The following EIF4G3 variants were observed in gnomAD, a reference collection of about 807,000 sequenced individuals.
EIF4G3 encodes eIF-4-gamma 3.
In EIF4G3, 34 loss-of-function variants were observed where a neutral mutation model predicts 186.4. The observed-to-expected ratio is 0.18, with a 90% CI of 0.14 to 0.24. EIF4G3 has a LOEUF of 0.24. EIF4G3 is among the 10% of genes least tolerant of loss of function. The pLI is 1.00. For synonymous variants in EIF4G3, 673 were observed against 679.5 expected, an observed-to-expected ratio of 0.99 and a Z score of 0.15; for missense variants, 1,536 against 1,948.5, an observed-to-expected ratio of 0.79 and a Z score of 3.99.
intron 36 of EIF4G3, among the ~76,000 whole-genome samples, chr1:20,808,698 G>C (rs2058633865): frequency 6.6e-6 from 1 of 151,944 alleles, no homozygotes; most frequent in Non-Finnish European, 1.5e-5. Context: ...AACAAGAGGT[G>C]ATCATTCACA....
intron 29 of EIF4G3, among the ~76,000 whole-genome samples, chr1:20,845,740 C>T (rs939217081): frequency 6.6e-6 from 1 of 151,882 alleles, no homozygotes; most frequent in Non-Finnish European, 1.5e-5. Context: ...AGTGTGATGC[C>T]TCCAGTTTTG....
chr1:21,008,602 G>A (rs1259958821), intron 4 of EIF4G3, among the ~76,000 whole-genome samples: 1 of 152,186 alleles, frequency 6.6e-6, no homozygotes, highest in Non-Finnish European at 1.5e-5. Flanking sequence ...GCCTCCCAAA[G>A]TGCTGGGATT....
chr1:20,868,688 T>A lies in EIF4G3; in HGVS notation c.2623-3426A>T, dbSNP rs1434323547. Among the ~76,000 whole-genome samples, 2 of 152,184 alleles carry A rather than the reference T, an allele frequency of 1.3e-5. 1 individual carries two copies. The highest frequency in any genetic ancestry group is 2.9e-5 in the Non-Finnish European group (2 of 68,030). ...GACAACTGCAATTTTCACTTAACAG[T>A]CCATGATCAGCACTAAAATGTGTGT... is the stretch of plus-strand genomic sequence containing the variant. On this transcript the variant is annotated intron_variant, in intron 20 of 36. Coordinates refer to ENST00000602326, the MANE Select transcript of EIF4G3 (RefSeq NM_001391906.1).
chr1:20,819,942 AAGAG>A (rs1057458621), intron 33 of EIF4G3, among the ~76,000 whole-genome samples: 1 of 152,062 alleles, frequency 6.6e-6, no homozygotes, highest in African/African-American at 2.4e-5. Context: ...GACAGAAAGA[AAGAG>A]AGAGAGACAG....
intron 14 of EIF4G3, chr1:20,929,548 T>G (rs1416184913): frequency 6.6e-6 from 1 of 152,224 alleles, no homozygotes; most frequent in African/African-American, 2.4e-5. Context: ...AACTCTTCTG[T>G]GTATTAGCAG....
At chr1:21,012,790 A>C (rs1158752218) in intron 4 of EIF4G3, among the ~76,000 whole-genome samples, 1 of 152,192 alleles carries the variant, frequency 6.6e-6, no homozygotes, top group African/African-American at 2.4e-5. Flanking sequence ...CTTTTGTGCC[A>C]AGAACCACCA....
At position 20,810,669 on chromosome 1, in the gene EIF4G3, A is replaced by T; in HGVS notation, c.4744+69T>A. 5.9e-6 allele frequency: 9 copies of T among 1,533,584 alleles called. No homozygotes were observed. The highest frequency in any genetic ancestry group is 8.1e-6 in the Non-Finnish European group (9 of 1,113,770). The allele number at this position is 1,533,584 out of a possible 1,614,324, so 95.0% of individuals were successfully genotyped here. A position where few individuals can be genotyped will look rare whatever the true frequency, so the allele number is the denominator to read the frequency against. On this transcript the variant is annotated intron_variant, in intron 36 of 36. Coordinates refer to ENST00000602326, the MANE Select transcript of EIF4G3 (RefSeq NM_001391906.1). The surrounding 1 kb of genome is among the most constrained non-coding windows in gnomAD (Gnocchi z 4.1). ...TTGTCCTTTGTTCGAACCCTAAATCATCTCTAAGTCCTGGCTTGGATAAAT... is the reference window on the plus strand; with the variant it reads ...TTGTCCTTTGTTCGAACCCTAAATCTTCTCTAAGTCCTGGCTTGGATAAAT...
chr1:21,068,385 A>AAAAAAAAAAAAC (rs2095330544), intron 3 of EIF4G3, among the ~76,000 whole-genome samples: 1 of 149,034 alleles, frequency 6.7e-6, no homozygotes, highest in Non-Finnish European at 1.5e-5. Context: ...TAAAAAAAAA[A>AAAAAAAAAAAAC]AAAAAAAAAA....
At chr1:20,871,817 TTTC>T (rs2079269912) in intron 20 of EIF4G3, among the ~76,000 whole-genome samples, 1 of 152,194 alleles carries the variant, frequency 6.6e-6, no homozygotes, top group African/African-American at 2.4e-5. Context: ...CTCCATTTCT[TTTC>T]TTTTCTCTGT....
intron 14 of EIF4G3, among the ~76,000 whole-genome samples, chr1:20,924,825 G>A: frequency 6.6e-6 from 1 of 152,212 alleles, no homozygotes; most frequent in East Asian, 1.9e-4. Flanking sequence ...GCCTCCCAAA[G>A]TGCTGGGATT....
chr1:20,977,938 T>C (rs1056166625), intron 10 of EIF4G3, among the ~76,000 whole-genome samples: 10 of 152,152 alleles, frequency 6.6e-5, no homozygotes, highest in African/African-American at 2.4e-4. Flanking sequence ...GTGATTGGCA[T>C]AATCACTAAG....
At chr1:21,166,247 T>C (rs2097853735) in intron 2 of EIF4G3, among the ~76,000 whole-genome samples, 3 of 140,878 alleles carry the variant, frequency 2.1e-5, no homozygotes, top group Admixed American at 7.5e-5. Context: ...GGCAACAAAC[T>C]GAGATCTCTA....
chr1:21,092,512 T>C (rs1387892282), intron 2 of EIF4G3, among the ~76,000 whole-genome samples: 2 of 152,172 alleles, frequency 1.3e-5, no homozygotes, highest in African/African-American at 4.8e-5. Context: ...ATCATGAAAA[T>C]GGCCATACTG....
At chr1:20,928,000 A>G (rs538413741) in intron 14 of EIF4G3, among the ~76,000 whole-genome samples, 26 of 152,048 alleles carry the variant, frequency 1.7e-4, no homozygotes, top group African/African-American at 6.0e-4. Context: ...TGGGACTACA[A>G]GCACACACCA....
chr1:20,941,888 T>C lies in EIF4G3; in HGVS notation c.1266A>G (p.Leu422=), dbSNP rs1311217725. The part of the protein sequence containing the change: ...INEINGVSEK[L]SATESIVEIV... Reference sequence around the variant, plus strand: ...TTTCCACAATGCTCTCCGTGGCTGATAATTTTTCGCTAACTCCATTTATTT... The same window carrying C: ...TTTCCACAATGCTCTCCGTGGCTGACAATTTTTCGCTAACTCCATTTATTT... Residue 422 remains leucine (L), a synonymous_variant, in exon 14 of 37, where the codon TTA becomes TTG. Coordinates refer to ENST00000602326, the MANE Select transcript of EIF4G3 (RefSeq NM_001391906.1). 1.9e-6 allele frequency: 3 copies of C among 1,614,216 alleles called. No homozygotes were observed. Among genetic ancestry groups the C allele is most frequent in the Non-Finnish European group, 1.7e-6 (2 of 1,180,028 alleles).
chr1:20,809,744 T>TC (rs1401789433), intron 36 of EIF4G3, among the ~76,000 whole-genome samples: 4 of 152,188 alleles, frequency 2.6e-5, no homozygotes, highest in Non-Finnish European at 5.9e-5. Flanking sequence ...AAGCTATTAG[T>TC]CAAACATGGT....
At chr1:21,023,850 G>A (rs1490342311) in intron 4 of EIF4G3, among the ~76,000 whole-genome samples, 12 of 142,252 alleles carry the variant, frequency 8.4e-5, no homozygotes, top group African/African-American at 3.1e-4. Context: ...TCTACGAAGT[G>A]AGGAGCGTCT....
chr1:21,163,989 G>C (rs893615050), intron 2 of EIF4G3, among the ~76,000 whole-genome samples: 1 of 152,070 alleles, frequency 6.6e-6, no homozygotes, highest in Non-Finnish European at 1.5e-5. Flanking sequence ...GGCCAGGCTG[G>C]TCTCGTACTC....
intron 4 of EIF4G3, among the ~76,000 whole-genome samples, chr1:21,010,821 A>T (rs955431693): frequency 1.4e-4 from 21 of 152,224 alleles, no homozygotes; most frequent in African/African-American, 5.1e-4. Context: ...AAAACGCTGG[A>T]GACAGTGACA....
Sources: allele counts gnomAD v4.1 joint callset (sites outside exome capture counted in the v4.1 genomes callset), GRCh38; gene constraint gnomAD v4.1.1; non-coding constraint Gnocchi (gnomAD v3.1); transcripts MANE v1.5; gene names NCBI Gene and HGNC (gene_info 2026-07-23, HGNC 2026-07-21).